Variants in ATP8A2 observed in about 807,000 individuals in gnomAD.
The protein encoded by ATP8A2 is phospholipid-transporting ATPase IB.
Under a neutral mutation model 165.6 loss-of-function variants are expected in ATP8A2, and 100 were observed. That is an observed-to-expected ratio of 0.60 (90% CI 0.51 to 0.71). The LOEUF is 0.71. Ranked by LOEUF, ATP8A2 falls within the 30% of genes least tolerant of loss-of-function variation. ATP8A2 has a pLI of 0.00. For missense variants in ATP8A2, 1,227 were observed against 1,479.5 expected, an observed-to-expected ratio of 0.83 and a Z score of 2.80; for synonymous variants, 543 against 548.8, an observed-to-expected ratio of 0.99 and a Z score of 0.15.
chr13:25,504,785 A>G (rs910273529), intron 2 of ATP8A2, among the ~76,000 whole-genome samples: 5 of 151,018 alleles, frequency 3.3e-5, no homozygotes, highest in Admixed American at 6.6e-5. Context: ...GTGCTCAGAC[A>G]GAGTCACTTT....
At chr13:25,999,294 C>T (rs1417079243) in intron 35 of ATP8A2, among the ~76,000 whole-genome samples, 4 of 152,180 alleles carry the variant, frequency 2.6e-5, no homozygotes, top group Non-Finnish European at 5.9e-5. Context: ...AGTGCTGCTT[C>T]TCAGTCTACC....
chr13:25,456,590 G>A (rs1410848472), intron 1 of ATP8A2, among the ~76,000 whole-genome samples: 1 of 152,202 alleles, frequency 6.6e-6, no homozygotes, highest in East Asian at 1.9e-4. Flanking sequence ...AGCCTGGGCT[G>A]TGTCTTAAGG....
intron 15 of ATP8A2, among the ~76,000 whole-genome samples, chr13:25,559,976 C>T (rs146157844): frequency 2.1e-3 from 316 of 152,200 alleles, no homozygotes; most frequent in African/African-American, 7.2e-3. Context: ...TACGGGCATG[C>T]ACCACCATGC....
chr13:25,951,324 A>G (rs1955352314), intron 33 of ATP8A2, among the ~76,000 whole-genome samples: 1 of 152,248 alleles, frequency 6.6e-6, no homozygotes, highest in South Asian at 2.1e-4. Flanking sequence ...AATGAATTAC[A>G]GATATGTGCA....
rs1459323306 is a variant in ATP8A2, at chr13:25,893,283, G to A, written c.3183+30875G>A. On this transcript the variant is annotated intron_variant, in intron 33 of 36. Coordinates refer to ENST00000381655, the MANE Select transcript of ATP8A2 (RefSeq NM_016529.6). Reference sequence around the variant, plus strand: ...TTCTCATTGTTCAATTCCCACCTATGAGTGAGAACATGCGGTGTTTGGTTT... The same window carrying A: ...TTCTCATTGTTCAATTCCCACCTATAAGTGAGAACATGCGGTGTTTGGTTT... 5.5e-5 allele frequency among the ~76,000 whole-genome samples: 8 copies of A among 144,440 alleles called. No individual in the cohort carries two copies. The East Asian group carries it at 1.7e-3, about 30-fold the overall frequency. 94.8% of individuals were successfully genotyped at this position (144,440 alleles called of 152,430 possible).
At chr13:25,686,613 C>T (rs1374278854) in intron 24 of ATP8A2, among the ~76,000 whole-genome samples, 1 of 152,144 alleles carries the variant, frequency 6.6e-6, no homozygotes, top group Non-Finnish European at 1.5e-5. Context: ...CTTGTGGAAT[C>T]TCTTGGCTTT....
chr13:26,018,268 A>G (rs374364684), intron 36 of ATP8A2, among the ~76,000 whole-genome samples: 2 of 152,228 alleles, frequency 1.3e-5, no homozygotes, highest in East Asian at 3.9e-4. Flanking sequence ...AGTTATGGGA[A>G]CACACAGAGT....
intron 35 of ATP8A2, among the ~76,000 whole-genome samples, chr13:25,986,966 T>G (rs1956290381): frequency 6.6e-6 from 1 of 152,220 alleles, no homozygotes; most frequent in Admixed American, 6.5e-5. Flanking sequence ...GATCAAACAC[T>G]GGAGATAAAT....
intron 1 of ATP8A2, among the ~76,000 whole-genome samples, chr13:25,387,062 G>A (rs2033081249): frequency 6.6e-6 from 1 of 152,152 alleles, no homozygotes; most frequent in East Asian, 1.9e-4. Context: ...CTTTTCTGAA[G>A]ATAATTTTCC....
At chr13:25,864,193 G>T (rs924550840) in intron 33 of ATP8A2, among the ~76,000 whole-genome samples, 2 of 152,092 alleles carry the variant, frequency 1.3e-5, no homozygotes, top group Non-Finnish European at 2.9e-5. Flanking sequence ...ACAATAGATG[G>T]GGCCTCAGCC....
chr13:25,839,728 A>G, intron 30 of ATP8A2, 104 bp downstream of exon 30: 1 of 902,776 alleles, frequency 1.1e-6, no homozygotes, highest in South Asian at 1.4e-5. Flanking sequence ...AAGAGATCAC[A>G]GGAACACATT....
intron 36 of ATP8A2, among the ~76,000 whole-genome samples, chr13:26,018,149 A>T (rs1957024880): frequency 6.6e-6 from 1 of 152,194 alleles, no homozygotes; most frequent in South Asian, 2.1e-4. Flanking sequence ...TCTGCAGACA[A>T]GCCCTTGCCT....
intron 24 of ATP8A2, among the ~76,000 whole-genome samples, chr13:25,623,758 T>A (rs1207288283): frequency 6.6e-6 from 1 of 152,164 alleles, no homozygotes; most frequent in Non-Finnish European, 1.5e-5. Flanking sequence ...TGTGTGTGTG[T>A]GTATACGTGT....
At chr13:25,525,565 C>A (rs1053195037) in intron 2 of ATP8A2, among the ~76,000 whole-genome samples, 3 of 152,124 alleles carry the variant, frequency 2.0e-5, no homozygotes, top group African/African-American at 7.2e-5. Context: ...TGAGGGACAG[C>A]TTTGCTGGAT....
At position 26,025,752 on chromosome 13, in the gene ATP8A2, GA is replaced by G. The variant is rs982441763; in HGVS notation, c.*5769del. On this transcript the variant is annotated 3_prime_UTR_variant, in exon 37 of 37. Transcript: ENST00000381655. The stretch of plus-strand genomic sequence containing the variant: ...CGGAGGGCATCTACTTGTATTTTTA[GA>G]AGTTTTGGGAGAATTTAGTGATTTG... The G allele has an allele frequency of 6.6e-6, 1 of 152,222 alleles. No individual in the cohort carries two copies. The highest frequency in any genetic ancestry group is 2.4e-5 in the African/African-American group (1 of 41,450). The allele number at this position is 152,222 out of a possible 1,614,324, so 9.4% of individuals were successfully genotyped here. A position where few individuals can be genotyped will look rare whatever the true frequency, so the allele number is the denominator to read the frequency against.
At chr13:25,922,702 C>G (rs1481641523) in intron 33 of ATP8A2, among the ~76,000 whole-genome samples, 2 of 152,178 alleles carry the variant, frequency 1.3e-5, no homozygotes, top group Non-Finnish European at 2.9e-5. Flanking sequence ...AATTAGTAGG[C>G]CACATCTAAT....
chr13:25,372,336 C>A lies in ATP8A2; in HGVS notation c.76+48C>A. Reference sequence around the variant, plus strand: ...AGGGAGGGTGGGCCCGGGGCGGGGGCGGCGCGGGGCGCGCCTGCGGTTATG... The same window carrying A: ...AGGGAGGGTGGGCCCGGGGCGGGGGAGGCGCGGGGCGCGCCTGCGGTTATG... On this transcript the variant is annotated intron_variant, in intron 1 of 36. Transcript: ENST00000381655. This position sits in a 1 kb window ranked among gnomAD's most constrained non-coding sequence, Gnocchi z 4.8. 1.5e-6 allele frequency: 2 copies of A among 1,332,992 alleles called. No homozygotes were observed. Among genetic ancestry groups the A allele is most frequent in the Non-Finnish European group, 9.9e-7 (1 of 1,009,768 alleles). The allele number at this position is 1,332,992 out of a possible 1,614,324, so 82.6% of individuals were successfully genotyped here. A position where few individuals can be genotyped will look rare whatever the true frequency, so the allele number is the denominator to read the frequency against.
intron 21 of ATP8A2, 24 bp downstream of exon 21, chr13:25,578,923 T>A (rs373695227): frequency 7.6e-6 from 11 of 1,450,466 alleles, no homozygotes; most frequent in African/African-American, 7.0e-5. Flanking sequence ...GGAAATGCTG[T>A]TTTTGGCCAT....
chr13:25,587,454 A>T (rs1304135482), intron 23 of ATP8A2, among the ~76,000 whole-genome samples: 2 of 152,064 alleles, frequency 1.3e-5, no homozygotes, highest in African/African-American at 4.8e-5. Flanking sequence ...AAAAAGACTG[A>T]GTTTTTCCAT....
Sources: gnomAD v4.1 joint callset for allele counts (sites outside exome capture counted in the v4.1 genomes callset) on GRCh38, gnomAD v4.1.1 for gene constraint, Gnocchi (gnomAD v3.1) non-coding constraint, MANE v1.5 for transcripts, NCBI Gene and HGNC (gene_info 2026-07-23, HGNC 2026-07-21) for gene names.